Variants in NOS1AP observed in about 807,000 individuals in gnomAD.
NOS1AP encodes nitric oxide synthase 1 adaptor protein, also known as carboxyl-terminal PDZ ligand of neuronal nitric oxide synthase protein.
In NOS1AP, 21 loss-of-function variants were observed where a neutral mutation model predicts 56.2. The observed-to-expected ratio is 0.37, with a 90% CI of 0.26 to 0.54. The LOEUF (loss-of-function observed/expected upper bound fraction) is 0.54. Ranked by LOEUF, NOS1AP falls within the 20% of genes least tolerant of loss-of-function variation. The pLI is 0.84. For missense variants in NOS1AP, 522 were observed against 657.8 expected (o/e 0.79, Z 2.26); for synonymous variants, 270 against 274.6 (o/e 0.98, Z 0.17).
chr1:162,155,298 G>GTATA (rs1557808123), intron 2 of NOS1AP, among the ~76,000 whole-genome samples: 2 of 142,600 alleles, frequency 1.4e-5, no homozygotes, highest in African/African-American at 5.1e-5. Flanking sequence ...ACATATATAT[G>GTATA]TATATGTATG....
At chr1:162,070,649 C>G (rs1000138469) in intron 1 of NOS1AP, among the ~76,000 whole-genome samples, 1 of 152,150 alleles carries the variant, frequency 6.6e-6, no homozygotes, top group Non-Finnish European at 1.5e-5. Context: ...TAAGGAAGCT[C>G]TGGTGTTATT....
rs533338444 is a variant in NOS1AP, at chr1:162,090,906, C to A, written c.105+20624C>A. ...TATTTCTAAGGATGTTATTTTGTTC[C>A]TTATTCTCTCTTTTTTTATAGAAAT... On this transcript the variant is annotated intron_variant, in intron 1 of 9. Transcript: ENST00000361897. 7.2e-5 allele frequency among the ~76,000 whole-genome samples: 11 copies of A among 151,984 alleles called. No homozygotes were observed. In the East Asian group the frequency reaches 2.1e-3, roughly 29 times the overall value.
At chr1:162,149,544 G>A (rs1322041170) in intron 1 of NOS1AP, among the ~76,000 whole-genome samples, 1 of 152,254 alleles carries the variant, frequency 6.6e-6, no homozygotes, top group East Asian at 1.9e-4. Context: ...TGTCATATGT[G>A]TAAAGAAAGT....
chr1:162,281,859 G>T (rs1026959089), intron 2 of NOS1AP, among the ~76,000 whole-genome samples: 3 of 152,160 alleles, frequency 2.0e-5, no homozygotes, highest in Non-Finnish European at 4.4e-5. Flanking sequence ...GGTGGCTCAC[G>T]CCTGTAATCC....
intron 2 of NOS1AP, among the ~76,000 whole-genome samples, chr1:162,210,356 T>C (rs2101646040): frequency 1.3e-5 from 2 of 152,308 alleles, no homozygotes; most frequent in East Asian, 3.9e-4. Context: ...TGGGCCTCCC[T>C]GACTCACTCG....
chr1:162,119,058 C>T (rs1648092398), intron 1 of NOS1AP, among the ~76,000 whole-genome samples: 1 of 152,136 alleles, frequency 6.6e-6, no homozygotes, highest in African/African-American at 2.4e-5. Context: ...GGTAATTTTG[C>T]CATCATCTGC....
chr1:162,309,415 C>CA (rs1655954141), intron 4 of NOS1AP, among the ~76,000 whole-genome samples: 1 of 152,046 alleles, frequency 6.6e-6, no homozygotes. Flanking sequence ...TTTTTGATGG[C>CA]AAAAAATGTA....
chr1:162,117,532 G>A (rs1648017435), intron 1 of NOS1AP, among the ~76,000 whole-genome samples: 1 of 152,142 alleles, frequency 6.6e-6, no homozygotes, highest in South Asian at 2.1e-4. Flanking sequence ...AGCCCTGGCA[G>A]ACATAACTCA....
In NOS1AP at chr1:162,168,228, C is replaced by T. The variant is rs146975874; in HGVS notation, c.177+13752C>T. Among the ~76,000 whole-genome samples the T allele has an allele frequency of 6.8e-4, 103 of 152,290 alleles. 1 individual carries two copies. Among genetic ancestry groups the T allele is most frequent in the Non-Finnish European group, 1.3e-3 (86 of 68,030 alleles). On this transcript the variant is annotated intron_variant, in intron 2 of 9. Coordinates refer to ENST00000361897, the MANE Select transcript of NOS1AP (RefSeq NM_014697.3). ...ATCCCTCTCTAGGGCTGATGGAGAT[C>T]ATCACTAAATCACCTCCTTTGGGAT...
chr1:162,311,322 A>T (rs1361753654), intron 4 of NOS1AP, among the ~76,000 whole-genome samples: 1 of 152,110 alleles, frequency 6.6e-6, no homozygotes, highest in African/African-American at 2.4e-5. Context: ...TTTCAACCCT[A>T]CATAGTTATA....
intron 2 of NOS1AP, among the ~76,000 whole-genome samples, chr1:162,225,644 T>G (rs1224798753): frequency 6.6e-6 from 1 of 152,200 alleles, no homozygotes; most frequent in East Asian, 1.9e-4. Context: ...TCCTTAAAGT[T>G]TTTCTCTGTC....
intron 2 of NOS1AP, among the ~76,000 whole-genome samples, chr1:162,257,130 C>A (rs183374938): frequency 6.6e-6 from 1 of 152,244 alleles, no homozygotes; most frequent in Non-Finnish European, 1.5e-5. Context: ...AAAATTAGCT[C>A]ATTACATAGC....
In NOS1AP at chr1:162,321,731, A is replaced by AAATATAT. The variant is rs1480278757; in HGVS notation, c.345-11285_345-11284insATATATA. On this transcript the variant is annotated intron_variant, in intron 4 of 9. Coordinates refer to ENST00000361897, the MANE Select transcript of NOS1AP (RefSeq NM_014697.3). ...CTTAAAGTATAATTAAAAAAAAAAA[A>AAATATAT]ATATATATATATATATATATAAAAG... Among the ~76,000 whole-genome samples, 416 of 128,452 alleles carry AAATATAT rather than the reference A, an allele frequency of 3.2e-3. 1 individual carries two copies. Among genetic ancestry groups the AAATATAT allele is most frequent in the Non-Finnish European group, 4.4e-3 (266 of 60,056 alleles). The allele number at this position is 128,452 out of a possible 152,430, so 84.3% of individuals were successfully genotyped here.
At chr1:162,151,019 C>T (rs1364760127) in intron 1 of NOS1AP, among the ~76,000 whole-genome samples, 1 of 152,200 alleles carries the variant, frequency 6.6e-6, no homozygotes, top group Non-Finnish European at 1.5e-5. Flanking sequence ...TGGGGTATTA[C>T]TCAAGAAATC....
chr1:162,138,782 A>G (rs10753762), intron 1 of NOS1AP, among the ~76,000 whole-genome samples: 105,612 of 152,130 alleles, frequency 0.69, 37,108 homozygotes, highest in Non-Finnish European at 0.72. Context: ...TGGCACCCCT[A>G]GTGTGCCAGG....
At chr1:162,160,862 A>G (rs1650174766) in intron 2 of NOS1AP, among the ~76,000 whole-genome samples, 1 of 152,200 alleles carries the variant, frequency 6.6e-6, no homozygotes. Flanking sequence ...ACAAACTTAC[A>G]GTTCTGGAGG....
intron 2 of NOS1AP, among the ~76,000 whole-genome samples, chr1:162,158,426 C>G (rs1231463026): frequency 2.6e-5 from 4 of 152,076 alleles, no homozygotes; most frequent in Admixed American, 2.0e-4. Flanking sequence ...TATGTCTTGG[C>G]TGTTGTGAAT....
intron 1 of NOS1AP, among the ~76,000 whole-genome samples, chr1:162,127,062 A>G (rs929641270): frequency 1.3e-5 from 2 of 152,042 alleles, no homozygotes; most frequent in East Asian, 3.8e-4. Context: ...TTTAAGGGCC[A>G]TTGGCATTTG....
At chr1:162,263,506 A>G (rs1033787758) in intron 2 of NOS1AP, among the ~76,000 whole-genome samples, 5 of 152,190 alleles carry the variant, frequency 3.3e-5, no homozygotes, top group African/African-American at 1.2e-4. Context: ...TTTCTGAGAG[A>G]CACATTGCAA....
Sources: allele counts gnomAD v4.1 joint callset (sites outside exome capture counted in the v4.1 genomes callset), GRCh38; gene constraint gnomAD v4.1.1; transcripts MANE v1.5; gene names NCBI Gene and HGNC (gene_info 2026-07-23, HGNC 2026-07-21).